JMY: variants seen among roughly 807,000 people sequenced by gnomAD.
JMY encodes the protein junction-mediating and -regulatory protein.
A neutral mutation model predicts 103.3 loss-of-function variants in JMY; 46 were observed. The observed-to-expected ratio is 0.45, with a 90% CI of 0.35 to 0.57. The LOEUF (loss-of-function observed/expected upper bound fraction) is 0.57. Ranked by LOEUF, JMY falls within the 20% of genes least tolerant of loss-of-function variation. JMY has a pLI of 0.00. For missense variants in JMY, 1,238 were observed against 1,255.2 expected, an observed-to-expected ratio of 0.99 and a Z score of 0.21; for synonymous variants, 526 against 489.3, an observed-to-expected ratio of 1.07 and a Z score of -0.99.
chr5:79,271,382 C>G (rs760586297), intron 1 of JMY, among the ~76,000 whole-genome samples: 1 of 151,994 alleles, frequency 6.6e-6, no homozygotes, highest in Non-Finnish European at 1.5e-5. Context: ...TTAGGCTAAA[C>G]CTGGCCTCAC....
In JMY at chr5:79,236,560, A is replaced by T; in HGVS notation, c.-91A>T. 1 of 1,066,852 alleles carries T rather than the reference A, an allele frequency of 9.4e-7. No individual in the cohort carries two copies. Among genetic ancestry groups the T allele is most frequent in the Non-Finnish European group, 1.2e-6 (1 of 817,312 alleles). 66.1% of individuals were successfully genotyped at this position (1,066,852 alleles called of 1,614,324 possible). A position where few individuals can be genotyped will look rare whatever the true frequency, so the allele number is the denominator to read the frequency against. On this transcript the variant is annotated 5_prime_UTR_variant, in exon 1 of 11. Coordinates refer to ENST00000396137, the MANE Select transcript of JMY (RefSeq NM_152405.5). ...CTAAGATGGCTGAAGGCGCCCGGCG[A>T]GGGTGAGCGGGGGGCGCGGCGCAGC...
chr5:79,294,655 G>A (rs1457373092), intron 4 of JMY, among the ~76,000 whole-genome samples: 2 of 151,886 alleles, frequency 1.3e-5, no homozygotes, highest in Admixed American at 1.3e-4. Flanking sequence ...TCAGGAGTTC[G>A]AGACCAGCCT....
At chr5:79,270,760 T>C (rs1745760286) in intron 1 of JMY, among the ~76,000 whole-genome samples, 2 of 149,048 alleles carry the variant, frequency 1.3e-5, no homozygotes. Context: ...CCATTAAATA[T>C]GTTAGCTCAA....
chr5:79,295,985 G>A (rs2112103045), intron 4 of JMY, among the ~76,000 whole-genome samples: 1 of 152,306 alleles, frequency 6.6e-6, no homozygotes, highest in Non-Finnish European at 1.5e-5. Context: ...AGTGCTTTAT[G>A]TGTATTATCT....
chr5:79,309,909 A>G (rs1476841123), intron 7 of JMY, among the ~76,000 whole-genome samples: 1 of 151,824 alleles, frequency 6.6e-6, no homozygotes. Flanking sequence ...CACACTTCCA[A>G]TATATTTCTT....
chr5:79,284,407 C>G, intron 2 of JMY: 1 of 1,411,156 alleles, frequency 7.1e-7, no homozygotes, highest in South Asian at 1.1e-5. Context: ...CCTCTCGGGT[C>G]ATGATTTCCA....
At chr5:79,263,207 GAT>G (rs1745477670) in intron 1 of JMY, among the ~76,000 whole-genome samples, 1 of 152,138 alleles carries the variant, frequency 6.6e-6, no homozygotes, top group Non-Finnish European at 1.5e-5. Context: ...CGAAGTATAA[GAT>G]AAAGGGCTTC....
At chr5:79,297,148 A>G (rs768807525) in intron 4 of JMY, among the ~76,000 whole-genome samples, 1 of 152,216 alleles carries the variant, frequency 6.6e-6, no homozygotes, top group Non-Finnish European at 1.5e-5. Context: ...AAACTTTGCT[A>G]GTCATTACCT....
chr5:79,281,852 A>G (rs557984229), intron 2 of JMY, among the ~76,000 whole-genome samples: 6 of 152,316 alleles, frequency 3.9e-5, no homozygotes, highest in Admixed American at 2.0e-4. Flanking sequence ...AATTGCTTAC[A>G]GGAAATATGC....
chr5:79,236,675 C>T lies in JMY; in HGVS notation c.25C>T (p.Leu9Phe). Residue 9 changes from leucine to phenylalanine, a missense_variant, in exon 1 of 11, where the codon CTC becomes TTC. By Grantham distance (22) the Leu-to-Phe change is conservative (BLOSUM62 0). Coordinates refer to ENST00000396137, the MANE Select transcript of JMY (RefSeq NM_152405.5). ...CATGTCGTTCGCGCTGGAGGAGACG[C>T]TCGAGTCGGACTGGGTGGCTGTGCG... MSFALEET[L>F]ESDWVAVRPH... is the part of the protein sequence containing the mutation. The T allele has an allele frequency of 6.8e-7, 1 of 1,474,756 alleles. No homozygotes were observed. The highest frequency in any genetic ancestry group is 9.0e-7 in the Non-Finnish European group (1 of 1,106,938). 91.4% of individuals were successfully genotyped at this position (1,474,756 alleles called of 1,614,324 possible).
Position 79,300,221 on chromosome 5 carries a change from T to A in JMY, c.1596T>A (p.Asp532Glu), listed in dbSNP as rs10514159. The change falls in exon 5 of 11, where the codon GAT becomes GAA. Residue 532 changes from aspartate to glutamate, a missense_variant. By Grantham distance (45) the Asp-to-Glu change is conservative. Coordinates refer to ENST00000396137, the MANE Select transcript of JMY (RefSeq NM_152405.5). ...ATCAGTTAGAAGCTGATTATTATGA[T>A]CTGCAACTTCAGTTGTATGAAGTAC... is the stretch of plus-strand genomic sequence containing the variant. ...RLDQLEADYY[D>E]LQLQLYEVQF... 1 of 1,609,518 alleles carries A rather than the reference T, an allele frequency of 6.2e-7. No homozygotes were observed. The highest frequency in any genetic ancestry group is 8.5e-7 in the Non-Finnish European group (1 of 1,178,028).
At chr5:79,315,409 C>T (rs1379756256) in intron 9 of JMY, among the ~76,000 whole-genome samples, 1 of 151,796 alleles carries the variant, frequency 6.6e-6, no homozygotes, top group East Asian at 1.9e-4. Context: ...AAAATTATTT[C>T]TAAAAAGAGC....
At chr5:79,257,205 C>T (rs1021571857) in intron 1 of JMY, among the ~76,000 whole-genome samples, 68 of 151,684 alleles carry the variant, frequency 4.5e-4, no homozygotes, top group Admixed American at 6.6e-4. Context: ...CCCAAGTAGC[C>T]GTGATTACAG....
intron 1 of JMY, among the ~76,000 whole-genome samples, chr5:79,243,100 GT>G (rs750244933): frequency 3.9e-5 from 6 of 152,106 alleles, no homozygotes; most frequent in Admixed American, 6.6e-5. Context: ...GAAGTTTTTT[GT>G]TTGTTTTGTT....
intron 10 of JMY, among the ~76,000 whole-genome samples, chr5:79,317,223 TA>T (rs916110593): frequency 2.6e-5 from 4 of 151,790 alleles, no homozygotes; most frequent in African/African-American, 7.3e-5. Flanking sequence ...TCTAAACCCT[TA>T]AAAAAAACTA....
intron 1 of JMY, among the ~76,000 whole-genome samples, chr5:79,238,510 T>C (rs1744594992): frequency 6.6e-6 from 1 of 152,224 alleles, no homozygotes. Flanking sequence ...GAAGGAACTT[T>C]ACTAAAAAAG....
rs1747555638 is a variant in JMY, at chr5:79,324,165, G to C, written c.*2563G>C. The C allele has an allele frequency of 2.0e-5, 3 of 152,310 alleles. 1 individual carries two copies. The highest frequency in any genetic ancestry group is 4.4e-5 in the Non-Finnish European group (3 of 68,030). 9.4% of individuals were successfully genotyped at this position (152,310 alleles called of 1,614,324 possible). A position where few individuals can be genotyped will look rare whatever the true frequency, so the allele number is the denominator to read the frequency against. On this transcript the variant is annotated 3_prime_UTR_variant, in exon 11 of 11. Coordinates refer to ENST00000396137, the MANE Select transcript of JMY (RefSeq NM_152405.5). ...ATGACATTACCAGTGGAACCCACCTGTTAATTTTAAAGTAGCTTCAGAACC... is the reference window on the plus strand; with the variant it reads ...ATGACATTACCAGTGGAACCCACCTCTTAATTTTAAAGTAGCTTCAGAACC...
In JMY at chr5:79,326,781, AAC is replaced by A. The variant is rs1747661398; in HGVS notation, c.*5182_*5183del. 1 of 152,220 alleles carries A rather than the reference AAC, an allele frequency of 6.6e-6. No homozygotes were observed. Among genetic ancestry groups the A allele is most frequent in the South Asian group, 2.1e-4 (1 of 4,834 alleles). 9.4% of individuals were successfully genotyped at this position (152,220 alleles called of 1,614,324 possible). A position where few individuals can be genotyped will look rare whatever the true frequency, so the allele number is the denominator to read the frequency against. On this transcript the variant is annotated 3_prime_UTR_variant, in exon 11 of 11. Transcript: ENST00000396137. The stretch of plus-strand genomic sequence containing the variant: ...GCAATATTATAAAAGGTAGAAGCAA[AAC>A]ACTAGCACATTGTGCTTTGCTTGGC...
intron 1 of JMY, among the ~76,000 whole-genome samples, chr5:79,242,393 G>A (rs754061513): frequency 2.0e-4 from 31 of 152,292 alleles, no homozygotes; most frequent in Admixed American, 3.3e-4. Flanking sequence ...TTACTAAAGA[G>A]GCTTCCAGGA....
Sources: gnomAD v4.1 joint callset for allele counts (sites outside exome capture counted in the v4.1 genomes callset) on GRCh38, gnomAD v4.1.1 for gene constraint, MANE v1.5 for transcripts, NCBI Gene and HGNC (gene_info 2026-07-23, HGNC 2026-07-21) for gene names.